Variants in DGKG observed in about 807,000 individuals in gnomAD.
DGKG encodes DAG kinase gamma.
A neutral mutation model predicts 105.3 loss-of-function variants in DGKG; 78 were observed. That is an observed-to-expected ratio of 0.74 (90% CI 0.62 to 0.89). The LOEUF is 0.89. DGKG is among the 40% of genes least tolerant of loss of function. The pLI, the probability that DGKG is intolerant of heterozygous loss-of-function variation, is 0.00. For synonymous variants in DGKG, 346 were observed against 367.1 expected (o/e 0.94, Z 0.66); for missense variants, 958 against 1,020.1 (o/e 0.94, Z 0.83).
intron 24 of DGKG, chr3:186,160,796 ACG>A: frequency 1.0e-6 from 1 of 985,462 alleles, no homozygotes; most frequent in Non-Finnish European, 1.2e-6. Context: ...GCTCTTCACC[ACG>A]AGATTCTAGC....
chr3:186,212,802 C>T (rs1212381588), intron 20 of DGKG, among the ~76,000 whole-genome samples: 1 of 152,152 alleles, frequency 6.6e-6, no homozygotes, highest in Non-Finnish European at 1.5e-5. Flanking sequence ...GACACCTGTC[C>T]AGTTTACGAG....
intron 21 of DGKG, chr3:186,207,483 G>A (rs963577879): frequency 3.0e-6 from 3 of 985,424 alleles, no homozygotes; most frequent in African/African-American, 1.7e-5. Context: ...GCCACTTAGG[G>A]CTGCTTTGCA....
At position 186,288,796 on chromosome 3, in the gene DGKG, C is replaced by A; in HGVS notation, c.458G>T (p.Ser153Ile). ...PLEPPVPRSS[S>I]SESPVVYLKD... Reference sequence around the variant, plus strand: ...CAGGTATACCACTGGGGATTCCGAGCTTGAAGACCGAGGGACGGGGGGTTC... The same window carrying A: ...CAGGTATACCACTGGGGATTCCGAGATTGAAGACCGAGGGACGGGGGGTTC... Residue 153 changes from serine (S) to isoleucine (I), a missense_variant, in exon 6 of 25, where the codon AGC (serine) becomes ATC (isoleucine). Ser to Ile is a moderately radical substitution (Grantham distance 142, BLOSUM62 -2). This residue lies in a region of DGKG where 643 missense variants were observed against 619.5 expected (regional missense o/e 1.04). Transcript: ENST00000265022. 1.2e-6 allele frequency: 2 copies of A among 1,613,462 alleles called. No individual in the cohort carries two copies. The highest frequency in any genetic ancestry group is 1.7e-6 in the Non-Finnish European group (2 of 1,179,656).
chr3:186,161,607 C>A lies in DGKG; in HGVS notation c.2273G>T (p.Cys758Phe). ...VDGEPWMQPC[C>F]TIKITHKNQA... The stretch of plus-strand genomic sequence containing the variant: ...TCAAAGATTGGCAAGACTCACCGTG[C>A]AACATGGCTGCATCCAGGGTTCTCC... The change falls in exon 24 of 25, where the codon TGC becomes TTC. Residue 758 changes from cysteine to phenylalanine, a missense_variant. Around this residue, in one of 2 missense-constraint regions of DGKG, gnomAD observed 315 missense variants for 400.6 expected, o/e 0.79. Transcript: ENST00000265022. 6.2e-7 allele frequency: 1 copy of A among 1,614,188 alleles called. No homozygotes were observed. Among genetic ancestry groups the A allele is most frequent in the Non-Finnish European group, 8.5e-7 (1 of 1,180,038 alleles).
At chr3:186,256,395 T>C (rs1721473754) in intron 17 of DGKG, among the ~76,000 whole-genome samples, 1 of 152,212 alleles carries the variant, frequency 6.6e-6, no homozygotes, top group Non-Finnish European at 1.5e-5. Context: ...ATACAGTCTG[T>C]CAGCAAATCG....
intron 2 of DGKG, among the ~76,000 whole-genome samples, chr3:186,314,711 G>A (rs372958400): frequency 1.4e-4 from 20 of 145,116 alleles, no homozygotes; most frequent in African/African-American, 2.6e-4. Flanking sequence ...CCGAGATCGC[G>A]CCGCTGCACT....
Position 186,148,962 on chromosome 3 carries a change from T to C in DGKG, c.*1128A>G. 1.4e-6 allele frequency: 1 copy of C among 719,490 alleles called. No individual in the cohort carries two copies. The allele number at this position is 719,490 out of a possible 1,614,324, so 44.6% of individuals were successfully genotyped here. ...AAGTCCATCAGTAAATAAATATTTA[T>C]ATATATATATATATAAATATATAGG... On this transcript the variant is annotated 3_prime_UTR_variant, in exon 25 of 25. Coordinates refer to ENST00000265022, the MANE Select transcript of DGKG (RefSeq NM_001346.3).
chr3:186,273,649 G>A (rs9836105), intron 10 of DGKG, among the ~76,000 whole-genome samples: 2,483 of 152,052 alleles, frequency 0.016, 70 homozygotes, highest in African/African-American at 0.057. Context: ...CTGGGATTAC[G>A]GCGTGAATCA....
At chr3:186,275,489 A>G in intron 10 of DGKG, 58 bp downstream of exon 10, 1 of 1,423,254 alleles carries the variant, frequency 7.0e-7, no homozygotes, top group Non-Finnish European at 9.9e-7. Context: ...TGGATCAACC[A>G]ACCATGCGCA....
chr3:186,269,675 G>A (rs1046773217), intron 11 of DGKG, among the ~76,000 whole-genome samples: 4 of 152,182 alleles, frequency 2.6e-5, no homozygotes, highest in South Asian at 2.1e-4. Flanking sequence ...TAATTATAAC[G>A]TGAAGCCGAG....
Position 186,250,196 on chromosome 3 carries a change from T to G in DGKG, c.1761+1563A>C, listed in dbSNP as rs542173770. 9.3e-4 allele frequency among the ~76,000 whole-genome samples: 141 copies of G among 152,284 alleles called. 1 individual carries two copies. Among genetic ancestry groups the G allele is most frequent in the African/African-American group, 3.3e-3 (137 of 41,552 alleles). ...CAGGACTACTGTGAGGGCTGGAATA[T>G]GTACAGTCTAGCACTGTGGAGAGCA... On this transcript the variant is annotated intron_variant, in intron 19 of 24. Coordinates refer to ENST00000265022, the MANE Select transcript of DGKG (RefSeq NM_001346.3).
intron 20 of DGKG, among the ~76,000 whole-genome samples, chr3:186,236,397 C>T (rs924464442): frequency 5.9e-5 from 9 of 152,156 alleles, no homozygotes; most frequent in African/African-American, 1.9e-4. Flanking sequence ...ATGTTTATTG[C>T]GAACCTCCTG....
At chr3:186,295,233 T>C (rs1168631226) in intron 5 of DGKG, among the ~76,000 whole-genome samples, 1 of 152,068 alleles carries the variant, frequency 6.6e-6, no homozygotes, top group Non-Finnish European at 1.5e-5. Context: ...CTGGGCGGGG[T>C]GGCTCACGCC....
intron 1 of DGKG, among the ~76,000 whole-genome samples, chr3:186,359,138 A>G (rs531516523): frequency 6.6e-6 from 1 of 152,242 alleles, no homozygotes; most frequent in East Asian, 1.9e-4. Context: ...TTGGATTCCT[A>G]AAGGTCATCT....
intron 15 of DGKG, 67 bp downstream of exon 15, chr3:186,261,632 C>A (rs1233187946): frequency 8.6e-7 from 1 of 1,156,888 alleles, no homozygotes; most frequent in Non-Finnish European, 1.3e-6. Flanking sequence ...TGTGTTCCTG[C>A]CAAGGGGAGG....
intron 1 of DGKG, among the ~76,000 whole-genome samples, chr3:186,328,680 AT>A (rs1481581632): frequency 1.3e-5 from 2 of 149,914 alleles, no homozygotes; most frequent in Non-Finnish European, 3.0e-5. Context: ...GGTTCAAGTG[AT>A]TCTCCTGCCT....
intron 17 of DGKG, among the ~76,000 whole-genome samples, chr3:186,256,259 C>T (rs902767647): frequency 6.6e-6 from 1 of 152,102 alleles, no homozygotes; most frequent in Non-Finnish European, 1.5e-5. Flanking sequence ...GGCAGGTGTA[C>T]GGTCCTGCAG....
intron 24 of DGKG, among the ~76,000 whole-genome samples, chr3:186,151,109 C>T (rs181227915): frequency 9.7e-4 from 148 of 152,342 alleles, no homozygotes; most frequent in African/African-American, 3.3e-3. Context: ...CTCTTCAGAG[C>T]CAGTGCTTAC....
intron 2 of DGKG, among the ~76,000 whole-genome samples, chr3:186,314,609 C>A (rs772725182): frequency 6.6e-6 from 1 of 151,996 alleles, no homozygotes; most frequent in Non-Finnish European, 1.5e-5. Flanking sequence ...ACAAAATTAG[C>A]TGGGCATGGT....
Sources: gnomAD v4.1 joint callset for allele counts (sites outside exome capture counted in the v4.1 genomes callset) on GRCh38, gnomAD v4.1.1 for gene constraint, gnomAD v4.1.1 regional missense constraint, MANE v1.5 for transcripts, NCBI Gene and HGNC (gene_info 2026-07-23, HGNC 2026-07-21) for gene names.